CSAG1: variants seen among roughly 807,000 people sequenced by gnomAD.
CSAG1 encodes the protein chondrosarcoma-associated gene 1 protein.
CSAG1 carries 4 observed loss-of-function variants against 4.8 expected under a neutral mutation model. That is an observed-to-expected ratio of 0.83 (90% confidence interval 0.41 to 1.90). CSAG1 has a LOEUF of 1.90. CSAG1 is among the 40% of genes most tolerant of loss of function. The probability of loss-of-function intolerance (pLI) is 0.03; values close to 1 mark genes in which losing one functional copy is unlikely to be tolerated. For synonymous variants in CSAG1, 21 were observed against 23.1 expected, an observed-to-expected ratio of 0.91 and a Z score of 0.26; for missense variants, 69 against 59.5, an observed-to-expected ratio of 1.16 and a Z score of -0.53.
chrX:152,727,938 T>C (rs1556830640), intron 3 of CSAG1, 75 bp from the exon 4 acceptor site: 282 of 1,191,960 alleles, frequency 2.4e-4, no homozygotes, highest in Middle Eastern at 4.6e-4. Flanking sequence ...AGAACAGGGG[T>C]TTCATAGAGA....
chrX:152,728,133 C>A lies in CSAG1; in HGVS notation c.108G>T (p.Met36Ile), dbSNP rs1932061520. Residue 36 changes from methionine (M) to isoleucine (I), a missense_variant, in exon 3 of 4, where the codon ATG (methionine) becomes ATT (isoleucine). Transcript: ENST00000452779. ...RLYRDTGLVK[M>I]SRKPRASSPF... ...GGCTGGAGGCTCGTGGTTTCCTGGA[C>A]ATCTTCACCAGACCAGTGTCTCTGT... The A allele has an allele frequency of 2.5e-6, 3 of 1,211,136 alleles. No individual in the cohort carries two copies. The highest frequency in any genetic ancestry group is 2.2e-6 in the Non-Finnish European group (2 of 895,218).
chrX:152,732,896 G>T, intron 1 of CSAG1: 1 of 132,174 alleles, frequency 7.6e-6, no homozygotes, highest in Non-Finnish European at 1.5e-5. Flanking sequence ...GAGGAATTAC[G>T]TTTAAAAAAA....
chrX:152,730,032 A>T (rs1215716876), intron 2 of CSAG1, among the ~76,000 whole-genome samples: 5 of 102,874 alleles, frequency 4.9e-5, no homozygotes, highest in African/African-American at 1.8e-4. Flanking sequence ...ACACACACGC[A>T]TTAAAATATG....
At chrX:152,728,676 A>G (rs1212647931) in intron 2 of CSAG1, among the ~76,000 whole-genome samples, 2 of 112,208 alleles carry the variant, frequency 1.8e-5, no homozygotes, top group Non-Finnish European at 3.8e-5. Context: ...CTTTTTTCAC[A>G]GTTTTGAAGT....
chrX:152,728,339 G>A, intron 2 of CSAG1, 115 bp from the exon 3 acceptor site: 6 of 741,968 alleles, frequency 8.1e-6, no homozygotes, highest in East Asian at 3.2e-5. Context: ...CATTATGGAA[G>A]TTAAATTGCT....
chrX:152,733,434 C>A (rs782016652), intron 1 of CSAG1, among the ~76,000 whole-genome samples: 2 of 111,531 alleles, frequency 1.8e-5, no homozygotes, highest in Admixed American at 9.4e-5. Flanking sequence ...CCCGACCACA[C>A]CCCTCCCCCA....
At chrX:152,733,230 G>T (rs190965937) in intron 1 of CSAG1, 1 of 111,500 alleles carries the variant, frequency 9.0e-6, no homozygotes, top group African/African-American at 3.3e-5. Flanking sequence ...CTCTACAAGG[G>T]GTGCAGCTGT....
chrX:152,729,239 T>C (rs1358558600), intron 2 of CSAG1, among the ~76,000 whole-genome samples: 1 of 111,814 alleles, frequency 8.9e-6, no homozygotes, highest in Non-Finnish European at 1.9e-5. Flanking sequence ...ATCATAGGTC[T>C]AATGAAAAAT....
At chrX:152,733,644 C>A (rs1556227419) in intron 1 of CSAG1, 24 bp downstream of exon 1, 1 of 105,916 alleles carries the variant, frequency 9.4e-6, no homozygotes. Context: ...CTACCCCTAC[C>A]CCCAACACCA....
rs2124968747 is a variant in CSAG1, at chrX:152,732,359, G to C, written c.16+86C>G. The C allele has an allele frequency of 4.5e-6, 5 of 1,106,390 alleles. No homozygotes were observed. In the South Asian group the frequency reaches 9.3e-5, roughly 21 times the overall value. The allele number at this position is 1,106,390 out of a possible 1,213,427, so 91.2% of individuals were successfully genotyped here. ...AGGAAAAAATAGCTTGACATACATA[G>C]AGGAGTATAACATATTCATTCATGG... On this transcript the variant is annotated intron_variant, in intron 2 of 3. Coordinates refer to ENST00000452779, the MANE Select transcript of CSAG1 (RefSeq NM_001102576.3).
intron 2 of CSAG1, among the ~76,000 whole-genome samples, chrX:152,730,205 T>A (rs1441600913): frequency 9.1e-6 from 1 of 110,281 alleles, no homozygotes; most frequent in African/African-American, 3.3e-5. Flanking sequence ...TCTATTTATA[T>A]GACATTCAGG....
At chrX:152,731,187 T>C (rs1603456875) in intron 2 of CSAG1, among the ~76,000 whole-genome samples, 1 of 111,857 alleles carries the variant, frequency 8.9e-6, no homozygotes, top group East Asian at 2.8e-4. Context: ...AAGTTGTTCA[T>C]GCTCGGTATC....
rs61137896 is a variant in CSAG1, at chrX:152,729,992, T to TTATATATATATATA, written c.17-1782_17-1769dup. Among the ~76,000 whole-genome samples the TTATATATATATATA allele has an allele frequency of 6.0e-3, 388 of 64,519 alleles. 7 individuals are homozygous for TTATATATATATATA. Among genetic ancestry groups the TTATATATATATATA allele is most frequent in the African/African-American group, 0.015 (262 of 17,540 alleles). The allele number at this position is 64,519 out of a possible 115,157, so 56.0% of individuals were successfully genotyped here. On this transcript the variant is annotated intron_variant, in intron 2 of 3. Coordinates refer to ENST00000452779, the MANE Select transcript of CSAG1 (RefSeq NM_001102576.3). ...AAATGTATTTCATTTGGTGAATGGA[T>TTATATATATATATA]TATATATATATATATATACACACAT...
chrX:152,729,394 G>A (rs1287912271), intron 2 of CSAG1, among the ~76,000 whole-genome samples: 1 of 112,380 alleles, frequency 8.9e-6, no homozygotes, highest in African/African-American at 3.2e-5. Context: ...TAAACATCAT[G>A]TGCTCTTCAA....
In CSAG1 at chrX:152,728,062, C is replaced by G; in HGVS notation, c.167+12G>C. 36 of 1,211,016 alleles carry G rather than the reference C, an allele frequency of 3.0e-5. No homozygotes were observed. Among genetic ancestry groups the G allele is most frequent in the Non-Finnish European group, 4.0e-5 (36 of 895,310 alleles). ...TGGGCCAGGGATGAGAGGATGCTTT[C>G]CCCTTCCTCGCCTCTTTGGTGTTGA... On this transcript the variant is annotated intron_variant, in intron 3 of 3. Coordinates refer to ENST00000452779, the MANE Select transcript of CSAG1 (RefSeq NM_001102576.3).
intron 1 of CSAG1, 129 bp from the exon 2 acceptor site, chrX:152,732,633 G>C: frequency 1.2e-6 from 1 of 830,986 alleles, no homozygotes. Flanking sequence ...TGTGACACTT[G>C]CCGTGTCGGT....
intron 2 of CSAG1, among the ~76,000 whole-genome samples, chrX:152,731,954 G>A (rs1322122005): frequency 8.9e-6 from 1 of 112,340 alleles, no homozygotes; most frequent in Non-Finnish European, 1.9e-5. Context: ...AGTCAGGAAC[G>A]AGAAGTAGAT....
At chrX:152,732,255 A>C (rs1423666910) in intron 2 of CSAG1, among the ~76,000 whole-genome samples, 190 bp downstream of exon 2, 7 of 112,574 alleles carry the variant, frequency 6.2e-5, no homozygotes, top group Non-Finnish European at 9.4e-5. Context: ...AATAAAATCC[A>C]AGAATTACCT....
intron 3 of CSAG1, 66 bp downstream of exon 3, chrX:152,728,008 G>T: frequency 8.3e-7 from 1 of 1,210,613 alleles, no homozygotes; most frequent in Non-Finnish European, 1.1e-6. Flanking sequence ...GTCAGAGCTT[G>T]GGTGGGCCAT....
Sources: allele counts gnomAD v4.1 joint callset (sites outside exome capture counted in the v4.1 genomes callset), GRCh38; gene constraint gnomAD v4.1.1; transcripts MANE v1.5; gene names NCBI Gene and HGNC (gene_info 2026-07-23, HGNC 2026-07-21).